Variants in NXPH1 observed in about 807,000 individuals in gnomAD.
NXPH1 encodes the protein neurexophilin-1.
In NXPH1, 5 loss-of-function variants were observed where a neutral mutation model predicts 23.7. The ratio of observed to expected loss-of-function variants is 0.21; its 90% CI spans 0.11 to 0.44. NXPH1 has a LOEUF of 0.44. NXPH1 is among the 20% of genes least tolerant of loss of function. The pLI is 0.99. For missense variants in NXPH1, 324 were observed against 321.6 expected (o/e 1.01, Z -0.06); for synonymous variants, 144 against 122.2 (o/e 1.18, Z -1.18).
At chr7:8,479,006 C>G (rs1380771163) in intron 2 of NXPH1, among the ~76,000 whole-genome samples, 1 of 151,782 alleles carries the variant, frequency 6.6e-6, no homozygotes, top group Non-Finnish European at 1.5e-5. Context: ...GAACTTCAGA[C>G]AATAAAAAAT....
intron 2 of NXPH1, among the ~76,000 whole-genome samples, chr7:8,739,352 A>C (rs1780322168): frequency 6.6e-6 from 1 of 152,014 alleles, no homozygotes. Context: ...GCCAGAATGC[A>C]CCGTCCTTCA....
At chr7:8,577,439 T>G (rs924863398) in intron 2 of NXPH1, among the ~76,000 whole-genome samples, 12 of 152,210 alleles carry the variant, frequency 7.9e-5, no homozygotes, top group Non-Finnish European at 1.3e-4. Context: ...ATGTGTAGTT[T>G]CATTACTTGC....
intron 2 of NXPH1, among the ~76,000 whole-genome samples, chr7:8,739,168 G>A (rs1262771009): frequency 1.0e-5 from 1 of 97,878 alleles, no homozygotes; most frequent in Non-Finnish European, 1.9e-5. Flanking sequence ...GGCACCAGTG[G>A]GGTAAAAAAA....
intron 2 of NXPH1, among the ~76,000 whole-genome samples, chr7:8,513,084 T>C (rs139692951): frequency 6.6e-6 from 1 of 152,106 alleles, no homozygotes; most frequent in Non-Finnish European, 1.5e-5. Flanking sequence ...AATAGAAATA[T>C]GCATGTGGAA....
intron 2 of NXPH1, among the ~76,000 whole-genome samples, chr7:8,664,682 C>T (rs1820733035): frequency 1.3e-5 from 2 of 152,028 alleles, no homozygotes; most frequent in East Asian, 1.9e-4. Flanking sequence ...CACCTCGTCA[C>T]CCACACTTCT....
intron 2 of NXPH1, among the ~76,000 whole-genome samples, chr7:8,549,388 A>G (rs1204156046): frequency 6.6e-6 from 1 of 151,604 alleles, no homozygotes; most frequent in African/African-American, 2.4e-5. Flanking sequence ...ATGCACCACT[A>G]CTTGTGAATC....
intron 2 of NXPH1, among the ~76,000 whole-genome samples, chr7:8,737,249 G>A (rs1359323820): frequency 6.6e-6 from 1 of 152,128 alleles, no homozygotes; most frequent in Non-Finnish European, 1.5e-5. Context: ...AGTATGGTAT[G>A]TTTTTGCAAT....
intron 2 of NXPH1, among the ~76,000 whole-genome samples, chr7:8,487,617 A>T (rs1186778592): frequency 1.3e-5 from 2 of 152,144 alleles, no homozygotes. Flanking sequence ...ATGCATTGGT[A>T]CTGTATCTCT....
intron 2 of NXPH1, among the ~76,000 whole-genome samples, chr7:8,727,832 G>C (rs983682058): frequency 1.3e-5 from 2 of 151,850 alleles, no homozygotes; most frequent in African/African-American, 4.8e-5. Context: ...CTCTTTTTTG[G>C]TTCCATATGA....
intron 2 of NXPH1, among the ~76,000 whole-genome samples, chr7:8,572,258 G>T (rs934062319): frequency 2.0e-5 from 3 of 151,792 alleles, no homozygotes; most frequent in Non-Finnish European, 4.4e-5. Context: ...TATATATATT[G>T]CAGATATAAT....
chr7:8,514,196 ATTTAATCC>A lies in NXPH1; in HGVS notation c.54+78430_54+78437del, dbSNP rs531098343. On this transcript the variant is annotated intron_variant, in intron 2 of 2. Transcript: ENST00000405863. The stretch of plus-strand genomic sequence containing the variant: ...CAACACAAGAATTTTGGAGGTACAA[ATTTAATCC>A]ATAACTTACCACATCTTGCCTGCCT... 2.0e-5 allele frequency among the ~76,000 whole-genome samples: 3 copies of A among 152,246 alleles called. No homozygotes were observed. The South Asian group carries it at 6.2e-4, about 32-fold the overall frequency.
At chr7:8,659,390 C>T (rs1282143703) in intron 2 of NXPH1, among the ~76,000 whole-genome samples, 1 of 152,168 alleles carries the variant, frequency 6.6e-6, no homozygotes. Context: ...TGTGTTCAAA[C>T]ATCCTCCTTT....
intron 2 of NXPH1, among the ~76,000 whole-genome samples, chr7:8,747,244 G>A (rs1418989198): frequency 6.6e-6 from 1 of 152,178 alleles, no homozygotes; most frequent in African/African-American, 2.4e-5. Context: ...TGACTCCAGA[G>A]TGCACTCCCA....
intron 2 of NXPH1, among the ~76,000 whole-genome samples, chr7:8,606,647 C>T (rs117262736): frequency 0.036 from 5,437 of 152,182 alleles, 195 homozygotes; most frequent in Non-Finnish European, 0.046. Context: ...GGACTGCTGC[C>T]CTCTCACTCT....
intron 2 of NXPH1, among the ~76,000 whole-genome samples, chr7:8,601,669 T>C (rs1011116201): frequency 6.6e-6 from 1 of 152,224 alleles, no homozygotes; most frequent in Non-Finnish European, 1.5e-5. Context: ...ATGGAATAGA[T>C]CATGTCAGGA....
chr7:8,626,696 T>A (rs1003813374), intron 2 of NXPH1, among the ~76,000 whole-genome samples: 2 of 152,098 alleles, frequency 1.3e-5, no homozygotes, highest in African/African-American at 4.8e-5. Context: ...CCCTTCAGGA[T>A]CTGGTCCTTG....
At chr7:8,538,920 A>C (rs1818068633) in intron 2 of NXPH1, among the ~76,000 whole-genome samples, 1 of 151,950 alleles carries the variant, frequency 6.6e-6, no homozygotes, top group South Asian at 2.1e-4. Flanking sequence ...CAGACTATCC[A>C]ATGTGTTTTG....
rs540924960 is a variant in NXPH1 at position 8,707,206 on chromosome 7, A to G, written c.55-43802A>G. 1.7e-4 allele frequency among the ~76,000 whole-genome samples: 26 copies of G among 152,310 alleles called. No homozygotes were observed. The East Asian group carries it at 5.0e-3, about 29-fold the overall frequency. ...CCACCCAATATTTCTTATAATTACA[A>G]GGAATTTATTTGGCATTTGTAAACA... On this transcript the variant is annotated intron_variant, in intron 2 of 2. Transcript: ENST00000405863.
chr7:8,597,438 G>T (rs1470152514), intron 2 of NXPH1, among the ~76,000 whole-genome samples: 1 of 152,072 alleles, frequency 6.6e-6, no homozygotes, highest in Non-Finnish European at 1.5e-5. Context: ...AAGAGTAAAA[G>T]CAGGCTTGGG....
Sources: allele counts gnomAD v4.1 joint callset (sites outside exome capture counted in the v4.1 genomes callset), GRCh38; gene constraint gnomAD v4.1.1; transcripts MANE v1.5; gene names NCBI Gene and HGNC (gene_info 2026-07-23, HGNC 2026-07-21).